SCN1A: variants seen among roughly 807,000 people sequenced by gnomAD.
SCN1A encodes the protein sodium voltage-gated channel alpha subunit 1.
Under a neutral mutation model 193.7 loss-of-function variants are expected in SCN1A, and 13 were observed. The ratio of observed to expected loss-of-function variants is 0.07; its 90% confidence interval spans 0.04 to 0.11. The LOEUF (loss-of-function observed/expected upper bound fraction) is 0.11. SCN1A is among the 10% of genes least tolerant of loss of function. SCN1A has a pLI of 1.00. For missense variants in SCN1A, 1,432 were observed against 2,451.1 expected (o/e 0.58, Z 8.78); for synonymous variants, 781 against 843.6 (o/e 0.93, Z 1.29).
At position 165,994,164 on chromosome 2, in the gene SCN1A, C is replaced by T. The variant is rs121918808; in HGVS notation, c.4834G>A (p.Val1612Ile). ...IGWNIFDFVV[V>I]ILSIVGMFLA... is the part of the protein sequence containing the mutation. ...TTCTTACCTACAATGGAGAGAATGA[C>T]AACCACAAAATCAAAAATATTCCAT... Residue 1612 changes from valine (V) to isoleucine (I), a missense_variant, in exon 28 of 29, where the codon GTC becomes ATC. Physicochemically the swap from Val to Ile is conservative, Grantham distance 29. Around this residue, in one of 18 missense-constraint regions of SCN1A, gnomAD observed 85 missense variants for 213.2 expected, o/e 0.40. Coordinates refer to ENST00000674923, the MANE Select transcript of SCN1A (RefSeq NM_001165963.4). The T allele has an allele frequency of 2.7e-5, 43 of 1,610,326 alleles. No individual in the cohort carries two copies. In the East Asian group the frequency reaches 8.7e-4, roughly 33 times the overall value.
chr2:166,068,562 T>C (rs899891726), intron 4 of SCN1A, among the ~76,000 whole-genome samples: 1 of 152,220 alleles, frequency 6.6e-6, no homozygotes, highest in Non-Finnish European at 1.5e-5. Context: ...TCATCCTCTT[T>C]TCTGATTTCC....
intron 2 of SCN1A, among the ~76,000 whole-genome samples, chr2:166,079,889 T>C (rs1004689548): frequency 6.6e-6 from 1 of 151,476 alleles, no homozygotes; most frequent in Non-Finnish European, 1.5e-5. Flanking sequence ...AGAAAAAGTA[T>C]TTTTTTAACT....
chr2:166,130,994 TAA>T (rs1691636424), upstream of SCN1A, among the ~76,000 whole-genome samples: 1 of 152,208 alleles, frequency 6.6e-6, no homozygotes, highest in Non-Finnish European at 1.5e-5. Flanking sequence ...GACCTTGTTC[TAA>T]GAGTTTTATA....
chr2:166,065,196 C>G (rs894590242), intron 4 of SCN1A, among the ~76,000 whole-genome samples: 1 of 152,076 alleles, frequency 6.6e-6, no homozygotes, highest in Admixed American at 6.6e-5. Flanking sequence ...GAAGTCAGAC[C>G]AGGAAAATTA....
intron 4 of SCN1A, chr2:166,071,879 G>C (rs964361759): frequency 1.3e-5 from 2 of 150,286 alleles, no homozygotes; most frequent in Non-Finnish European, 2.9e-5. Context: ...CACAGAGCGA[G>C]ACTGCGTCTC....
upstream of SCN1A, among the ~76,000 whole-genome samples, chr2:166,132,901 G>C (rs496422): frequency 0.86 from 130,426 of 152,134 alleles, 56,066 homozygotes; most frequent in East Asian, 0.98. Flanking sequence ...CAGATAACCA[G>C]TTTTTAAATC....
intron 4 of SCN1A, among the ~76,000 whole-genome samples, chr2:166,069,914 A>G (rs1202466244): frequency 1.3e-5 from 2 of 152,216 alleles, no homozygotes; most frequent in African/African-American, 4.8e-5. Context: ...AGCTGTGTCA[A>G]GAGTACTGTG....
chr2:166,084,308 G>A (rs1347952504), intron 2 of SCN1A, among the ~76,000 whole-genome samples: 2 of 132,258 alleles, frequency 1.5e-5, no homozygotes, highest in Non-Finnish European at 3.1e-5. Context: ...CCTCTCCTTT[G>A]TAGACACTTC....
intron 23 of SCN1A, 125 bp downstream of exon 23, chr2:166,009,594 C>G (rs1262680539): frequency 1.2e-6 from 1 of 814,186 alleles, no homozygotes; most frequent in Non-Finnish European, 1.8e-6. Context: ...ACAGATAAAA[C>G]AATAAAGTAG....
chr2:166,132,376 TG>T (rs1430103834), upstream of SCN1A, among the ~76,000 whole-genome samples: 10 of 40,226 alleles, frequency 2.5e-4, no homozygotes, highest in Admixed American at 1.3e-3. Flanking sequence ...AATTTCCTAG[TG>T]GTTTTTTTTT....
chr2:166,054,489 C>T, intron 7 of SCN1A, 149 bp downstream of exon 7: 1 of 806,994 alleles, frequency 1.2e-6, no homozygotes, highest in Non-Finnish European at 2.0e-6. Context: ...TCCACTTAGA[C>T]CTTTGTTGTG....
upstream of SCN1A, among the ~76,000 whole-genome samples, chr2:166,130,679 A>C (rs1402987822): frequency 6.6e-6 from 1 of 152,180 alleles, no homozygotes; most frequent in Non-Finnish European, 1.5e-5. Flanking sequence ...TAAGGAGATA[A>C]ATGACTATTC....
chr2:166,085,270 A>G (rs930426297), intron 2 of SCN1A, among the ~76,000 whole-genome samples: 2 of 152,160 alleles, frequency 1.3e-5, no homozygotes, highest in Non-Finnish European at 2.9e-5. Context: ...TTAAGAAATC[A>G]TAGTTATTTA....
intron 8 of SCN1A, among the ~76,000 whole-genome samples, chr2:166,052,513 T>G (rs1698678842): frequency 6.6e-6 from 1 of 151,858 alleles, no homozygotes; most frequent in African/African-American, 2.4e-5. Context: ...CTTAGAAGAT[T>G]TGCATTGTAT....
intron 2 of SCN1A, among the ~76,000 whole-genome samples, chr2:166,091,364 T>C (rs1048604996): frequency 6.6e-6 from 1 of 152,214 alleles, no homozygotes; most frequent in African/African-American, 2.4e-5. Context: ...ACTAGACATA[T>C]AGCAATTTTA....
chr2:165,985,070 C>G (rs989977476), downstream of SCN1A: 1 of 151,938 alleles, frequency 6.6e-6, no homozygotes, highest in Non-Finnish European at 1.5e-5. Context: ...AATAAAGATG[C>G]ATCAGGGTTG....
intron 2 of SCN1A, among the ~76,000 whole-genome samples, chr2:166,085,409 C>T (rs1686002062): frequency 6.6e-6 from 1 of 152,164 alleles, no homozygotes; most frequent in African/African-American, 2.4e-5. Flanking sequence ...AGGAAATATC[C>T]TGCAGAATTC....
intron 1 of SCN1A, chr2:166,149,007 C>T (rs1295286093): frequency 6.6e-6 from 1 of 152,234 alleles, no homozygotes; most frequent in Non-Finnish European, 1.5e-5. Flanking sequence ...TCTGCCAAGA[C>T]TGTAGTACAT....
At chr2:166,094,506 T>G (rs1359107662) in intron 2 of SCN1A, among the ~76,000 whole-genome samples, 1 of 152,182 alleles carries the variant, frequency 6.6e-6, no homozygotes, top group Non-Finnish European at 1.5e-5. Flanking sequence ...AATAACATTC[T>G]GAATGTTGCA....
Sources: allele counts gnomAD v4.1 joint callset (sites outside exome capture counted in the v4.1 genomes callset), GRCh38; gene constraint gnomAD v4.1.1; regional missense constraint gnomAD v4.1.1; transcripts MANE v1.5; gene names NCBI Gene and HGNC (gene_info 2026-07-23, HGNC 2026-07-21).